The following PCDHGA2 variants were observed in gnomAD, a reference collection of about 807,000 sequenced individuals.
PCDHGA2 encodes protocadherin gamma subfamily A, 2, also known as protocadherin gamma-A2.
Under a neutral mutation model 59.2 loss-of-function variants are expected in PCDHGA2, and 40 were observed. The ratio of observed to expected loss-of-function variants is 0.68; its 90% CI spans 0.52 to 0.88. The LOEUF is 0.88. Among genes scored for constraint, PCDHGA2 ranks in the 40% least tolerant of loss-of-function variants. The pLI is 0.00. For missense variants in PCDHGA2, 1,226 were observed against 1,204.0 expected, an observed-to-expected ratio of 1.02 and a Z score of -0.27; for synonymous variants, 560 against 526.0, an observed-to-expected ratio of 1.06 and a Z score of -0.89.
rs1173306822 is a variant in PCDHGA2 at position 141,431,115 on chromosome 5, T to C, written c.2425-63692T>C. The C allele has an allele frequency of 9.3e-6, 15 of 1,613,492 alleles. No individual in the cohort carries two copies. The highest frequency in any genetic ancestry group is 1.3e-5 in the Non-Finnish European group (15 of 1,179,878). On this transcript the variant is annotated intron_variant, in intron 1 of 3. Coordinates refer to ENST00000394576, the MANE Select transcript of PCDHGA2 (RefSeq NM_018915.4). The surrounding 1 kb of genome is among the most constrained non-coding windows in gnomAD (Gnocchi z 4.8). The stretch of plus-strand genomic sequence containing the variant: ...GAGGATAAAGTGAAAATATATGGAG[T>C]AGAAGTAGAAGTAAGGGACATTAAC...
intron 1 of PCDHGA2, among the ~76,000 whole-genome samples, chr5:141,353,036 T>C (rs764117260): frequency 6.6e-6 from 1 of 152,160 alleles, no homozygotes; most frequent in African/African-American, 2.4e-5. Flanking sequence ...CTCATTGGTG[T>C]ATAAGTAATT....
At chr5:141,417,621 A>G in intron 1 of PCDHGA2, 1 of 662,852 alleles carries the variant, frequency 1.5e-6, no homozygotes, top group Non-Finnish European at 2.4e-6. Context: ...GTGCAGAGCA[A>G]GCGCTGACGC....
At chr5:141,469,964 G>T (rs974494589) in intron 1 of PCDHGA2, among the ~76,000 whole-genome samples, 2 of 152,002 alleles carry the variant, frequency 1.3e-5, no homozygotes, top group Non-Finnish European at 2.9e-5. Flanking sequence ...AACCCCATCT[G>T]TACCAAAAAT....
chr5:141,361,065 G>C (rs1438252937), intron 1 of PCDHGA2: 1 of 1,613,774 alleles, frequency 6.2e-7, no homozygotes, highest in East Asian at 2.2e-5. Context: ...TGGATTTTGA[G>C]ATTGCAAGTA....
rs1404656316 is a variant in PCDHGA2 at position 141,486,648 on chromosome 5, A to G, written c.2425-8159A>G. 6.2e-7 allele frequency: 1 copy of G among 1,613,298 alleles called. No individual in the cohort carries two copies. The highest frequency in any genetic ancestry group is 8.5e-7 in the Non-Finnish European group (1 of 1,179,892). The stretch of plus-strand genomic sequence containing the variant: ...TCTGGCTTGAATGCGCTTATCTCCT[A>G]CTCACTCCTGGAGCCCAGGAATCGA... On this transcript the variant is annotated intron_variant, in intron 1 of 3. Coordinates refer to ENST00000394576, the MANE Select transcript of PCDHGA2 (RefSeq NM_018915.4). This position sits in a 1 kb window ranked among gnomAD's most constrained non-coding sequence, Gnocchi z 5.0.
chr5:141,390,358 G>T, intron 1 of PCDHGA2: 1 of 1,540,914 alleles, frequency 6.5e-7, no homozygotes, highest in East Asian at 2.2e-5. Context: ...ATACATATTT[G>T]CAGGAAAATA....
At chr5:141,388,579 T>A (rs113550354) in intron 1 of PCDHGA2, 7 of 1,613,908 alleles carry the variant, frequency 4.3e-6, no homozygotes, top group Non-Finnish European at 5.1e-6. Flanking sequence ...CACGTTCTAG[T>A]GACTGATGCC....
At position 141,341,674 on chromosome 5, in the gene PCDHGA2, T is replaced by C. The variant is rs1009500231; in HGVS notation, c.2424+279T>C. 1.3e-4 allele frequency: 77 copies of C among 601,466 alleles called. 1 individual carries two copies. The highest frequency in any genetic ancestry group is 1.2e-3 in the African/African-American group (63 of 54,000). 37.3% of individuals were successfully genotyped at this position (601,466 alleles called of 1,614,324 possible). A position where few individuals can be genotyped will look rare whatever the true frequency, so the allele number is the denominator to read the frequency against. The stretch of plus-strand genomic sequence containing the variant: ...AGGAACTAGGGTGTCTGGTTTCTTA[T>C]ACTTTCTTCTCCATCCCTGGGCAAA... On this transcript the variant is annotated intron_variant, in intron 1 of 3. Coordinates refer to ENST00000394576, the MANE Select transcript of PCDHGA2 (RefSeq NM_018915.4).
At chr5:141,451,607 C>T (rs2154563647) in intron 1 of PCDHGA2, among the ~76,000 whole-genome samples, 1 of 152,288 alleles carries the variant, frequency 6.6e-6, no homozygotes, top group Non-Finnish European at 1.5e-5. Context: ...CAAGGCTAGG[C>T]ATGGTGGCTC....
chr5:141,432,823 C>A lies in PCDHGA2; in HGVS notation c.2425-61984C>A. 1 of 1,614,184 alleles carries A rather than the reference C, an allele frequency of 6.2e-7. No homozygotes were observed. Among genetic ancestry groups the A allele is most frequent in the Non-Finnish European group, 8.5e-7 (1 of 1,180,004 alleles). On this transcript the variant is annotated intron_variant, in intron 1 of 3. Transcript: ENST00000394576. The surrounding 1 kb of genome is among the most constrained non-coding windows in gnomAD (Gnocchi z 6.0). ...CTCCAGCTAACTCTGAAACCTCAGA[C>A]CTCACTCTGTACCTGGTGGTAGCGG...
chr5:141,504,583 A>C (rs1230825472), intron 2 of PCDHGA2, among the ~76,000 whole-genome samples: 5 of 146,622 alleles, frequency 3.4e-5, no homozygotes, highest in Non-Finnish European at 7.4e-5. Context: ...CCATCTGCCC[A>C]GGATTCACAG....
At chr5:141,457,448 A>G (rs1296079061) in intron 1 of PCDHGA2, among the ~76,000 whole-genome samples, 2 of 152,196 alleles carry the variant, frequency 1.3e-5, no homozygotes, top group Non-Finnish European at 2.9e-5. Flanking sequence ...GCAGAAGATC[A>G]CCACTTGATT....
intron 3 of PCDHGA2, among the ~76,000 whole-genome samples, chr5:141,507,714 C>T (rs1425955843): frequency 6.6e-6 from 1 of 152,280 alleles, no homozygotes; most frequent in Non-Finnish European, 1.5e-5. Flanking sequence ...GCCCCAAACC[C>T]TCCAAGCAAG....
At chr5:141,407,910 G>A in intron 1 of PCDHGA2, 1 of 428,786 alleles carries the variant, frequency 2.3e-6, no homozygotes, top group Non-Finnish European at 4.1e-6. Flanking sequence ...GAAAAACCGG[G>A]CTGCTGTCCC....
intron 1 of PCDHGA2, among the ~76,000 whole-genome samples, chr5:141,352,959 G>C (rs1759153169): frequency 6.6e-6 from 1 of 152,182 alleles, no homozygotes; most frequent in Non-Finnish European, 1.5e-5. Context: ...CTGCACTCCA[G>C]CCTGGGTGAT....
At chr5:141,364,125 C>T in intron 1 of PCDHGA2, 1 of 466,222 alleles carries the variant, frequency 2.1e-6, no homozygotes. Flanking sequence ...CTGAGTGTCG[C>T]TGTTGACCAA....
intron 1 of PCDHGA2, among the ~76,000 whole-genome samples, chr5:141,400,951 C>A (rs991607511): frequency 6.6e-6 from 1 of 152,174 alleles, no homozygotes; most frequent in Non-Finnish European, 1.5e-5. Flanking sequence ...ACTGATTTCA[C>A]TGGTAGTTTT....
At chr5:141,382,969 T>G in intron 1 of PCDHGA2, 2 of 1,609,418 alleles carry the variant, frequency 1.2e-6, no homozygotes, top group Non-Finnish European at 8.5e-7. Context: ...GGGGACCCCC[T>G]GGGAAGCCTG....
At chr5:141,465,337 G>GCC (rs2099101328) in intron 1 of PCDHGA2, among the ~76,000 whole-genome samples, 6 of 151,962 alleles carry the variant, frequency 3.9e-5, no homozygotes, top group Admixed American at 2.6e-4. Flanking sequence ...TTTTTATATT[G>GCC]GTTACTGAAG....
Sources: gnomAD v4.1 joint callset for allele counts (sites outside exome capture counted in the v4.1 genomes callset) on GRCh38, gnomAD v4.1.1 for gene constraint, Gnocchi (gnomAD v3.1) non-coding constraint, MANE v1.5 for transcripts, NCBI Gene and HGNC (gene_info 2026-07-23, HGNC 2026-07-21) for gene names.